The following AMMECR1 variants were observed in gnomAD, a reference collection of about 807,000 sequenced individuals.
AMMECR1 encodes the protein nuclear protein AMMECR1.
AMMECR1 carries 3 observed loss-of-function variants against 22.5 expected under a neutral mutation model. The ratio of observed to expected loss-of-function variants is 0.13; its 90% CI spans 0.06 to 0.35. AMMECR1 has a LOEUF of 0.35. Among genes scored for constraint, AMMECR1 ranks in the 10% least tolerant of loss-of-function variants. AMMECR1 has a pLI of 1.00. For synonymous variants in AMMECR1, 130 were observed against 116.7 expected, an observed-to-expected ratio of 1.11 and a Z score of -0.74; for missense variants, 235 against 278.7, an observed-to-expected ratio of 0.84 and a Z score of 1.12.
In AMMECR1 at chrX:110,330,546, A is replaced by C. The variant is rs150774025; in HGVS notation, c.-147-12697T>G. ...AATTAATTTTATGTTCGTTGGCTCTAATAATGAAAAATTAGGGTTTATATT... is the reference window on the plus strand; with the variant it reads ...AATTAATTTTATGTTCGTTGGCTCTCATAATGAAAAATTAGGGTTTATATT... On this transcript the variant is annotated intron_variant, in intron 2 of 7. Transcript: ENST00000372057. Among the ~76,000 whole-genome samples the C allele has an allele frequency of 2.4e-3, 274 of 112,375 alleles. 3 individuals are homozygous for C. Among genetic ancestry groups the C allele is most frequent in the East Asian group, 0.021 (76 of 3,587 alleles).
chrX:110,231,591 G>T (rs2067566738), intron 2 of AMMECR1, among the ~76,000 whole-genome samples: 1 of 112,059 alleles, frequency 8.9e-6, no homozygotes. Context: ...TCGATGCTAA[G>T]AAGAAACTGC....
chrX:110,350,122 T>C (rs2068205629), intron 2 of AMMECR1, among the ~76,000 whole-genome samples: 1 of 112,308 alleles, frequency 8.9e-6, no homozygotes, highest in Admixed American at 9.4e-5. Flanking sequence ...AAGTGAAATG[T>C]TCCCAGTTTG....
chrX:110,255,393 A>G (rs903718799), intron 2 of AMMECR1, among the ~76,000 whole-genome samples: 1 of 111,673 alleles, frequency 9.0e-6, no homozygotes, highest in African/African-American at 3.3e-5. Flanking sequence ...ACTGTTCTTC[A>G]TATGCAACAC....
intron 1 of AMMECR1, among the ~76,000 whole-genome samples, chrX:110,280,975 G>A (rs1288635913): frequency 1.8e-5 from 2 of 112,078 alleles, no homozygotes; most frequent in Non-Finnish European, 3.8e-5. Context: ...AGATCAAAGT[G>A]TATGAACATT....
chrX:110,363,001 G>A (rs2068274268), intron 2 of AMMECR1, among the ~76,000 whole-genome samples: 2 of 112,080 alleles, frequency 1.8e-5, no homozygotes, highest in African/African-American at 6.5e-5. Context: ...AGAAAAGGAA[G>A]CTAGCATTTC....
intron 2 of AMMECR1, among the ~76,000 whole-genome samples, chrX:110,418,213 C>T (rs762967593): frequency 4.5e-5 from 5 of 112,346 alleles, no homozygotes; most frequent in Admixed American, 9.4e-5. Flanking sequence ...ACCAGAGATA[C>T]GCCTGATGGT....
Position 110,334,963 on chromosome X carries a change from G to C in AMMECR1, c.-147-17114C>G, listed in dbSNP as rs934952952. ...AAGGGAGGGCATATGTAATATATAA[G>C]AGGCACCATTGCACACTGATGGTTA... On this transcript the variant is annotated intron_variant, in intron 2 of 7. Transcript: ENST00000372057. Among the ~76,000 whole-genome samples the C allele has an allele frequency of 4.5e-5, 5 of 111,696 alleles. No individual in the cohort carries two copies. The East Asian group carries it at 1.4e-3, about 31-fold the overall frequency.
At chrX:110,390,204 T>G (rs1056751327) in intron 2 of AMMECR1, among the ~76,000 whole-genome samples, 1 of 111,829 alleles carries the variant, frequency 8.9e-6, no homozygotes, top group Non-Finnish European at 1.9e-5. Flanking sequence ...TTTACTGAAT[T>G]CCTACAAGGT....
chrX:110,285,269 C>G (rs1444569781), intron 1 of AMMECR1, among the ~76,000 whole-genome samples: 1 of 112,002 alleles, frequency 8.9e-6, no homozygotes, highest in Non-Finnish European at 1.9e-5. Flanking sequence ...TCACTGGGAA[C>G]TTACTAGAAA....
At chrX:110,259,936 CCT>C (rs1160469209) in intron 2 of AMMECR1, among the ~76,000 whole-genome samples, 1 of 110,960 alleles carries the variant, frequency 9.0e-6, no homozygotes, top group African/African-American at 3.3e-5. Context: ...TGGTAATTTT[CCT>C]CTCTATAAAA....
At chrX:110,372,238 A>T (rs1192687285) in intron 2 of AMMECR1, among the ~76,000 whole-genome samples, 1 of 112,550 alleles carries the variant, frequency 8.9e-6, no homozygotes, top group African/African-American at 3.2e-5. Context: ...CTTTGTGAGG[A>T]GGATATAAAA....
intron 1 of AMMECR1, among the ~76,000 whole-genome samples, chrX:110,438,208 A>T (rs1174730414): frequency 2.7e-5 from 3 of 110,784 alleles, no homozygotes; most frequent in Non-Finnish European, 1.9e-5. Context: ...ACGATGGGAG[A>T]TTTAAGAGGC....
chrX:110,318,288 G>C (rs1161241767), upstream of AMMECR1: 1 of 117,696 alleles, frequency 8.5e-6, no homozygotes, highest in Non-Finnish European at 1.7e-5. Flanking sequence ...GGCGCCTCGC[G>C]CCTGTCCCGC....
chrX:110,202,584 A>C, intron 3 of AMMECR1, 48 bp from the exon 4 acceptor site: 1 of 824,643 alleles, frequency 1.2e-6, no homozygotes, highest in Non-Finnish European at 1.8e-6. Context: ...TCATAGAATC[A>C]GAAAGAAAAG....
chrX:110,391,076 T>C (rs570247601), intron 2 of AMMECR1, among the ~76,000 whole-genome samples: 10 of 112,060 alleles, frequency 8.9e-5, no homozygotes, highest in Admixed American at 7.6e-4. Context: ...TCCATGACTT[T>C]GGGTTATTTT....
intron 3 of AMMECR1, 112 bp downstream of exon 3, chrX:110,216,406 G>T: frequency 4.2e-6 from 2 of 480,517 alleles, no homozygotes; most frequent in Non-Finnish European, 7.1e-6. Flanking sequence ...TATTACTCTC[G>T]ACCTCCATTA....
At chrX:110,383,550 T>A (rs894292578) in intron 2 of AMMECR1, among the ~76,000 whole-genome samples, 2 of 111,243 alleles carry the variant, frequency 1.8e-5, no homozygotes, top group African/African-American at 6.5e-5. Flanking sequence ...CCCTTCACAA[T>A]CCTGACATAC....
intron 1 of AMMECR1, among the ~76,000 whole-genome samples, chrX:110,266,446 G>T (rs148957174): frequency 1.8e-5 from 2 of 110,916 alleles, no homozygotes; most frequent in Non-Finnish European, 3.8e-5. Flanking sequence ...GCAGTGGTGC[G>T]ATCTCAGCTC....
chrX:110,372,499 C>CT (rs777775215), intron 2 of AMMECR1, among the ~76,000 whole-genome samples: 153 of 109,311 alleles, frequency 1.4e-3, no homozygotes, highest in East Asian at 4.6e-3. Context: ...CTGCTCCTTG[C>CT]TTTTTTTTTA....
Sources: gnomAD v4.1 joint callset for allele counts (sites outside exome capture counted in the v4.1 genomes callset) on GRCh38, gnomAD v4.1.1 for gene constraint, MANE v1.5 for transcripts, NCBI Gene and HGNC (gene_info 2026-07-23, HGNC 2026-07-21) for gene names.